Variants in GRM7 observed in about 807,000 individuals in gnomAD.
GRM7 encodes glutamate metabotropic receptor 7.
GRM7 carries 35 observed loss-of-function variants against 84.5 expected under a neutral mutation model. The observed-to-expected ratio is 0.41, with a 90% CI of 0.32 to 0.55. GRM7 has a LOEUF of 0.55. Ranked by LOEUF, GRM7 falls within the 20% of genes least tolerant of loss-of-function variation. The probability of loss-of-function intolerance (pLI) is 0.19; values close to 1 mark genes in which losing one functional copy is unlikely to be tolerated. For missense variants in GRM7, 1,003 were observed against 1,194.6 expected (o/e 0.84, Z 2.36); for synonymous variants, 487 against 455.1 (o/e 1.07, Z -0.89).
At chr3:6,949,451 G>T (rs937289656) in intron 1 of GRM7, among the ~76,000 whole-genome samples, 2 of 152,070 alleles carry the variant, frequency 1.3e-5, no homozygotes, top group African/African-American at 4.8e-5. Context: ...GCTTCTCTTT[G>T]TGGGTAACCC....
At chr3:6,983,597 G>C (rs886684211) in intron 1 of GRM7, among the ~76,000 whole-genome samples, 2 of 152,038 alleles carry the variant, frequency 1.3e-5, no homozygotes, top group Non-Finnish European at 2.9e-5. Flanking sequence ...GGTTAATTAA[G>C]AAACATAAAC....
At chr3:7,737,808 T>TC (rs1702553310) in intron 9 of GRM7, among the ~76,000 whole-genome samples, 1 of 152,004 alleles carries the variant, frequency 6.6e-6, no homozygotes, top group Non-Finnish European at 1.5e-5. Flanking sequence ...ACATTGGTGA[T>TC]ATCAACAGTG....
chr3:7,642,219 C>G (rs1438621886), intron 8 of GRM7, among the ~76,000 whole-genome samples: 2 of 152,048 alleles, frequency 1.3e-5, no homozygotes, highest in African/African-American at 4.8e-5. Flanking sequence ...CCGGAGCTAC[C>G]AACATACCTT....
intron 1 of GRM7, among the ~76,000 whole-genome samples, chr3:6,872,257 G>C (rs1376866728): frequency 6.6e-6 from 1 of 152,122 alleles, no homozygotes. Flanking sequence ...TCATTGAGAA[G>C]ATTATCACAA....
At chr3:7,104,614 C>T (rs28742128) in intron 1 of GRM7, among the ~76,000 whole-genome samples, 9,259 of 151,652 alleles carry the variant, frequency 0.061, 682 homozygotes, top group African/African-American at 0.14. Flanking sequence ...TTTTGTTAAA[C>T]ATTTTTGATG....
At chr3:7,366,455 T>C (rs960318952) in intron 4 of GRM7, among the ~76,000 whole-genome samples, 5 of 151,930 alleles carry the variant, frequency 3.3e-5, no homozygotes, top group Non-Finnish European at 7.4e-5. Context: ...GCAGAGGTCC[T>C]CTCAATGTCT....
rs575284793 is a variant in GRM7 at position 7,221,538 on chromosome 3, T to A, written c.736+74870T>A. On this transcript the variant is annotated intron_variant, in intron 2 of 9. Coordinates refer to ENST00000357716, the MANE Select transcript of GRM7 (RefSeq NM_000844.4). ...CTTTTTATTTAGTTGACTTAGTCAA[T>A]CTCTTCTAAGGGTTCTGCATTTTAT... Among the ~76,000 whole-genome samples the A allele has an allele frequency of 1.9e-3, 283 of 152,136 alleles. 1 individual carries two copies. Among genetic ancestry groups the A allele is most frequent in the African/African-American group, 6.6e-3 (275 of 41,570 alleles).
intron 4 of GRM7, among the ~76,000 whole-genome samples, chr3:7,343,225 GT>G (rs1253838137): frequency 6.6e-6 from 1 of 151,666 alleles, no homozygotes; most frequent in East Asian, 1.9e-4. Flanking sequence ...TTTAAGAGGT[GT>G]TTTTTTTCTT....
intron 7 of GRM7, among the ~76,000 whole-genome samples, chr3:7,516,476 CAAAAAAAAA>C (rs34508559): frequency 4.9e-4 from 21 of 42,470 alleles, no homozygotes; most frequent in Admixed American, 2.2e-3. Context: ...GACTCCCTCT[CAAAAAAAAA>C]AAAAAAAAAA....
chr3:7,242,552 A>G (rs993354539), intron 2 of GRM7, among the ~76,000 whole-genome samples: 4 of 152,162 alleles, frequency 2.6e-5, no homozygotes, highest in African/African-American at 9.7e-5. Flanking sequence ...TATGAATGCA[A>G]TTGTTGAAAT....
intron 4 of GRM7, among the ~76,000 whole-genome samples, chr3:7,367,514 T>TA (rs995924417): frequency 6.6e-5 from 10 of 151,950 alleles, no homozygotes; most frequent in African/African-American, 2.4e-4. Flanking sequence ...GGATATTTGG[T>TA]AAAATATGAA....
At chr3:7,701,554 C>A (rs940627585) in intron 9 of GRM7, among the ~76,000 whole-genome samples, 2 of 152,034 alleles carry the variant, frequency 1.3e-5, no homozygotes, top group Admixed American at 1.3e-4. Context: ...CCACTCGCCT[C>A]GGCCCCCCAA....
chr3:7,422,010 A>G (rs1415984208), intron 5 of GRM7, among the ~76,000 whole-genome samples: 1 of 151,018 alleles, frequency 6.6e-6, no homozygotes, highest in African/African-American at 2.4e-5. Flanking sequence ...TGGGAGGATC[A>G]CTTGAGCCCA....
At chr3:7,431,097 C>G (rs763822941) in intron 5 of GRM7, among the ~76,000 whole-genome samples, 2 of 151,994 alleles carry the variant, frequency 1.3e-5, no homozygotes, top group Non-Finnish European at 2.9e-5. Flanking sequence ...CATCTTCAGC[C>G]GGCACTCATG....
intron 4 of GRM7, among the ~76,000 whole-genome samples, chr3:7,312,102 T>C (rs541760112): frequency 3.6e-4 from 55 of 152,334 alleles, no homozygotes; most frequent in South Asian, 2.3e-3. Flanking sequence ...ATCTGAGTCC[T>C]GTCTCCCTCA....
chr3:7,336,374 G>A (rs1281942969), intron 4 of GRM7, among the ~76,000 whole-genome samples: 1 of 151,830 alleles, frequency 6.6e-6, no homozygotes, highest in Non-Finnish European at 1.5e-5. Flanking sequence ...AGCAAAATTG[G>A]CATAGAAGGG....
chr3:7,534,805 G>T (rs1701179514), intron 7 of GRM7, among the ~76,000 whole-genome samples: 1 of 152,176 alleles, frequency 6.6e-6, no homozygotes, highest in Non-Finnish European at 1.5e-5. Flanking sequence ...AAATCCAGGG[G>T]TGTCACAGCT....
chr3:6,905,994 G>A (rs1312441494), intron 1 of GRM7, among the ~76,000 whole-genome samples: 1 of 152,154 alleles, frequency 6.6e-6, no homozygotes, highest in African/African-American at 2.4e-5. Context: ...AGCTTTTGTT[G>A]CATTATAAGC....
intron 2 of GRM7, among the ~76,000 whole-genome samples, chr3:7,282,310 G>A (rs1053194403): frequency 3.9e-5 from 6 of 152,188 alleles, no homozygotes; most frequent in African/African-American, 1.4e-4. Context: ...TCAACATGTC[G>A]GTGGGGTTAC....
Sources: allele counts gnomAD v4.1 joint callset (sites outside exome capture counted in the v4.1 genomes callset), GRCh38; gene constraint gnomAD v4.1.1; transcripts MANE v1.5; gene names NCBI Gene and HGNC (gene_info 2026-07-23, HGNC 2026-07-21).